Variants in CEP192 observed in about 807,000 individuals in gnomAD.
CEP192 encodes centrosomal protein of 192 kDa.
In CEP192, 151 loss-of-function variants were observed where a neutral mutation model predicts 271.8. That is an observed-to-expected ratio of 0.56 (90% CI 0.49 to 0.64). The LOEUF (loss-of-function observed/expected upper bound fraction) is 0.64, where lower values mean the gene tolerates loss of function less well. Ranked by LOEUF, CEP192 falls within the 30% of genes least tolerant of loss-of-function variation. CEP192 has a pLI of 0.00. For missense variants in CEP192, 2,910 were observed against 3,020.5 expected (o/e 0.96, Z 0.86); for synonymous variants, 995 against 1,076.5 (o/e 0.92, Z 1.48).
At chr18:13,075,856 G>A (rs1220513481) in intron 30 of CEP192, among the ~76,000 whole-genome samples, 2 of 152,302 alleles carry the variant, frequency 1.3e-5, no homozygotes, top group East Asian at 3.9e-4. Flanking sequence ...TAGACACAAG[G>A]TTCAAATTCA....
At chr18:13,099,441 G>A in intron 36 of CEP192, 35 bp from the exon 37 acceptor site, 1 of 1,054,556 alleles carries the variant, frequency 9.5e-7, no homozygotes. Context: ...TAAAATGCAG[G>A]CTCTTTTTAA....
rs563273093 is a variant in CEP192, at chr18:13,008,377, A to G, written c.291-79A>G. ...TTTTTCTTTTTAAGAGGTAAAATAC[A>G]TAACTGATTAATAAATATTTTGTAG... On this transcript the variant is annotated intron_variant, in intron 3 of 44. Coordinates refer to ENST00000506447, the MANE Select transcript of CEP192 (RefSeq NM_032142.4). 4.5e-4 allele frequency: 465 copies of G among 1,028,002 alleles called. 6 individuals carry two copies. The South Asian group carries it at 7.2e-3, about 16-fold the overall frequency. 63.7% of individuals were successfully genotyped at this position (1,028,002 alleles called of 1,614,324 possible). A position where few individuals can be genotyped will look rare whatever the true frequency, so the allele number is the denominator to read the frequency against.
At chr18:13,055,235 C>T (rs889641011) in intron 18 of CEP192, among the ~76,000 whole-genome samples, 1 of 151,240 alleles carries the variant, frequency 6.6e-6, no homozygotes, top group South Asian at 2.1e-4. Flanking sequence ...GCCGAGATTG[C>T]GCCATTGCAC....
rs563576066 is a variant in CEP192, at chr18:13,065,290, G to T, written c.4489-2541G>T. 9.2e-5 allele frequency among the ~76,000 whole-genome samples: 14 copies of T among 151,984 alleles called. No homozygotes were observed. The East Asian group carries it at 2.5e-3, about 27-fold the overall frequency. ...AATTTCCCAAGTGTAATAGCATTCT[G>T]TGGTATATAAAAGTTTGTGTATGTT... is the stretch of plus-strand genomic sequence containing the variant. On this transcript the variant is annotated intron_variant, in intron 21 of 44. Coordinates refer to ENST00000506447, the MANE Select transcript of CEP192 (RefSeq NM_032142.4).
At chr18:13,069,651 G>A in intron 26 of CEP192, 87 bp from the exon 27 acceptor site, 1 of 748,824 alleles carries the variant, frequency 1.3e-6, no homozygotes, top group South Asian at 1.6e-5. Flanking sequence ...CCTGGTAAAT[G>A]AGAAACGCAC....
chr18:13,116,490 T>C lies in CEP192; in HGVS notation c.7403T>C (p.Phe2468Ser). The C allele has an allele frequency of 6.2e-7, 1 of 1,607,282 alleles. No homozygotes were observed. Among genetic ancestry groups the C allele is most frequent in the Non-Finnish European group, 8.5e-7 (1 of 1,177,902 alleles). ...TLKVNLRNNSFITHSLKFLSP... is the reference protein window; with the variant it reads ...TLKVNLRNNSSITHSLKFLSP... ...AAAGTCAATCTGCGAAATAATTCTT[T>C]TATTACACACTCAGTAAGTTGGAAA... The change falls in exon 43 of 45, where the codon TTT (phenylalanine) becomes TCT (serine). Residue 2468 changes from phenylalanine (F) to serine (S), a missense_variant. Coordinates refer to ENST00000506447, the MANE Select transcript of CEP192 (RefSeq NM_032142.4).
chr18:13,018,674 TAAAA>T, intron 8 of CEP192, 59 bp downstream of exon 8: 1 of 994,322 alleles, frequency 1.0e-6, no homozygotes, highest in Non-Finnish European at 1.4e-6. Flanking sequence ...TTACTTTTTT[TAAAA>T]AAAAAATATT....
Position 13,059,186 on chromosome 18 carries a change from G to C in CEP192, c.4362G>C (p.Gly1454=), listed in dbSNP as rs763149081. Residue 1454 remains glycine (G), a synonymous_variant, in exon 21 of 45, where the codon GGG becomes GGC. Coordinates refer to ENST00000506447, the MANE Select transcript of CEP192 (RefSeq NM_032142.4). ...IKVLFIPSSP[G]VFRCTFSVAS... is the part of the protein sequence containing the mutation. ...TGCTTTTTATACCATCCAGTCCTGG[G>C]GTTTTCAGATGCACATTCAGTGTTG... 8 of 1,613,946 alleles carry C rather than the reference G, an allele frequency of 5.0e-6. No homozygotes were observed. Among genetic ancestry groups the C allele is most frequent in the Non-Finnish European group, 6.8e-6 (8 of 1,179,964 alleles).
chr18:13,090,860 G>A (rs2039109815), intron 33 of CEP192, among the ~76,000 whole-genome samples: 1 of 152,136 alleles, frequency 6.6e-6, no homozygotes, highest in African/African-American at 2.4e-5. Flanking sequence ...GTGCAACTGT[G>A]GTGAAGATTG....
chr18:13,022,618 C>T (rs1466459041), intron 9 of CEP192, among the ~76,000 whole-genome samples: 7 of 151,992 alleles, frequency 4.6e-5, no homozygotes, highest in Non-Finnish European at 1.0e-4. Flanking sequence ...TGATTTCAAA[C>T]GATCCACCCG....
At position 13,056,704 on chromosome 18, in the gene CEP192, A is replaced by G. The variant is rs757424496; in HGVS notation, c.4108+6A>G. Reference sequence around the variant, plus strand: ...AGGAGTGACATCAGGATTGGGTAAGATGCTTTTTCTCTATTATTATTACTT... The same window carrying G: ...AGGAGTGACATCAGGATTGGGTAAGGTGCTTTTTCTCTATTATTATTACTT... On this transcript the variant is annotated splice_donor_region_variant and intron_variant, in intron 19 of 44. Transcript: ENST00000506447. 3 of 1,563,140 alleles carry G rather than the reference A, an allele frequency of 1.9e-6. No homozygotes were observed. Among genetic ancestry groups the G allele is most frequent in the Non-Finnish European group, 2.6e-6 (3 of 1,158,338 alleles).
rs780947368 is a variant in CEP192 at position 13,073,035 on chromosome 18, G to T, written c.5466G>T (p.Gln1822His). Reference sequence around the variant, plus strand: ...TTCAGAACACTTTTGGTTCAGAACAGCGATTGACCAGTAACTGTGAGATCA... The same window carrying T: ...TTCAGAACACTTTTGGTTCAGAACATCGATTGACCAGTAACTGTGAGATCA... Reference protein sequence around the residue: ...FQLQNTFGSEQRLTSNCEIRI... With the variant: ...FQLQNTFGSEHRLTSNCEIRI... Residue 1822 changes from glutamine (Q) to histidine (H), a missense_variant, in exon 30 of 45, where the codon CAG (glutamine) becomes CAT (histidine). Transcript: ENST00000506447. 6.2e-7 allele frequency: 1 copy of T among 1,611,128 alleles called. No homozygotes were observed. Among genetic ancestry groups the T allele is most frequent in the African/African-American group, 1.3e-5 (1 of 74,780 alleles).
chr18:13,048,204 T>C (rs1304058945), intron 15 of CEP192, among the ~76,000 whole-genome samples: 1 of 152,238 alleles, frequency 6.6e-6, no homozygotes, highest in Non-Finnish European at 1.5e-5. Flanking sequence ...TCATAAGTTT[T>C]AAATTATATG....
intron 4 of CEP192, 71 bp downstream of exon 4, chr18:13,008,702 ATT>A (rs796795541): frequency 0.04 from 36,022 of 896,150 alleles, no homozygotes; most frequent in South Asian, 0.058. Context: ...TTATCTTTGG[ATT>A]TTTTTTTTTT....
chr18:13,008,636 T>A lies in CEP192; in HGVS notation c.466+5T>A. ...CACCACTGGAACAAGCACAAGGTACTGAACTATTTGAAATTATTTCTTAAT... is the reference window on the plus strand; with the variant it reads ...CACCACTGGAACAAGCACAAGGTACAGAACTATTTGAAATTATTTCTTAAT... On this transcript the variant is annotated splice_donor_5th_base_variant and intron_variant, in intron 4 of 44. Transcript: ENST00000506447. 6.6e-7 allele frequency: 1 copy of A among 1,515,056 alleles called. No homozygotes were observed. The highest frequency in any genetic ancestry group is 8.8e-7 in the Non-Finnish European group (1 of 1,130,992). The allele number at this position is 1,515,056 out of a possible 1,614,324, so 93.9% of individuals were successfully genotyped here. A position where few individuals can be genotyped will look rare whatever the true frequency, so the allele number is the denominator to read the frequency against.
In CEP192 at chr18:13,079,501, A is replaced by G. The variant is rs529421024; in HGVS notation, c.5616+6316A>G. On this transcript the variant is annotated intron_variant, in intron 30 of 44. Transcript: ENST00000506447. The stretch of plus-strand genomic sequence containing the variant: ...ATGGGGTTGTTTGTTTTTTTCTTGT[A>G]AATTTGTTCAAGTTCTTTGTAGATT... Among the ~76,000 whole-genome samples, 3 of 152,182 alleles carry G rather than the reference A, an allele frequency of 2.0e-5. No homozygotes were observed. In the South Asian group the frequency reaches 6.2e-4, roughly 32 times the overall value.
At chr18:13,032,743 A>C (rs148436139) in intron 11 of CEP192, among the ~76,000 whole-genome samples, 5 of 152,342 alleles carry the variant, frequency 3.3e-5, no homozygotes, top group African/African-American at 1.2e-4. Flanking sequence ...TCAAATTCCC[A>C]TTAGCAGTGG....
chr18:13,069,950 C>T lies in CEP192; in HGVS notation c.5174+94C>T. On this transcript the variant is annotated intron_variant, in intron 27 of 44. Coordinates refer to ENST00000506447, the MANE Select transcript of CEP192 (RefSeq NM_032142.4). ...CCGAGGTGGGTGGATTACCTGAGGT[C>T]AGGAGTTCGAGACCAGCTTGGGCAA... is the stretch of plus-strand genomic sequence containing the variant. 4.3e-6 allele frequency: 3 copies of T among 699,538 alleles called. No homozygotes were observed. The East Asian group carries it at 9.0e-5, about 21-fold the overall frequency. The allele number at this position is 699,538 out of a possible 1,614,324, so 43.3% of individuals were successfully genotyped here.
At chr18:13,044,474 T>G (rs1207861066) in intron 15 of CEP192, among the ~76,000 whole-genome samples, 1 of 152,146 alleles carries the variant, frequency 6.6e-6, no homozygotes, top group Admixed American at 6.5e-5. Flanking sequence ...CTTCTAATCT[T>G]TGTTCACTAG....
Sources: gnomAD v4.1 joint callset for allele counts (sites outside exome capture counted in the v4.1 genomes callset) on GRCh38, gnomAD v4.1.1 for gene constraint, MANE v1.5 for transcripts, NCBI Gene and HGNC (gene_info 2026-07-23, HGNC 2026-07-21) for gene names.